Variants in GAD2 observed in about 807,000 individuals in gnomAD.
GAD2 encodes 65 kDa glutamic acid decarboxylase.
A neutral mutation model predicts 80.1 loss-of-function variants in GAD2; 22 were observed. The observed-to-expected ratio is 0.27, with a 90% confidence interval of 0.20 to 0.39. The LOEUF is 0.39. GAD2 is among the 10% of genes least tolerant of loss of function. The pLI, the probability that GAD2 is intolerant of heterozygous loss-of-function variation, is 1.00. For missense variants in GAD2, 624 were observed against 738.4 expected, an observed-to-expected ratio of 0.85 and a Z score of 1.80; for synonymous variants, 274 against 256.9, an observed-to-expected ratio of 1.07 and a Z score of -0.64.
At chr10:26,280,392 T>A (rs1845258464) in intron 11 of GAD2, among the ~76,000 whole-genome samples, 1 of 152,090 alleles carries the variant, frequency 6.6e-6, no homozygotes, top group African/African-American at 2.4e-5. Context: ...ATGTAAGAAA[T>A]TGGTCAACAT....
chr10:26,222,931 A>G (rs1263512759), intron 4 of GAD2, among the ~76,000 whole-genome samples: 1 of 152,254 alleles, frequency 6.6e-6, no homozygotes, highest in Non-Finnish European at 1.5e-5. Flanking sequence ...ACAATGGCCC[A>G]TCTTCTAAAA....
intron 8 of GAD2, among the ~76,000 whole-genome samples, chr10:26,251,546 C>T (rs1844880843): frequency 6.6e-6 from 1 of 152,120 alleles, no homozygotes; most frequent in Non-Finnish European, 1.5e-5. Context: ...AATATCAGTC[C>T]CCTGCTATAC....
chr10:26,274,769 G>A (rs554290137), intron 11 of GAD2, among the ~76,000 whole-genome samples: 1 of 152,330 alleles, frequency 6.6e-6, no homozygotes, highest in South Asian at 2.1e-4. Context: ...TGGAAAGAGA[G>A]GGGTATGGTT....
At chr10:26,275,577 C>A (rs774339043) in intron 11 of GAD2, among the ~76,000 whole-genome samples, 1 of 152,146 alleles carries the variant, frequency 6.6e-6, no homozygotes, top group Non-Finnish European at 1.5e-5. Context: ...GAGCAGAATC[C>A]CCTTTAGCCA....
chr10:26,248,421 A>G (rs986694099), intron 8 of GAD2, among the ~76,000 whole-genome samples: 3 of 152,162 alleles, frequency 2.0e-5, no homozygotes, highest in Non-Finnish European at 2.9e-5. Flanking sequence ...CAGAGTTCAG[A>G]CCTCAGTTTC....
chr10:26,229,683 A>G lies in GAD2; in HGVS notation c.746A>G (p.Tyr249Cys). ...FSPGGAISNM[Y>C]AMMIARFKMF... is the part of the protein sequence containing the mutation. ...TTAGGTGGCGCCATATCTAACATGT[A>G]TGCCATGATGATCGCACGCTTTAAG... Residue 249 changes from tyrosine to cysteine, a missense_variant, in exon 7 of 16, where the codon TAT (tyrosine) becomes TGT (cysteine). Tyr to Cys is a radical substitution (Grantham distance 194). Coordinates refer to ENST00000376261, the MANE Select transcript of GAD2 (RefSeq NM_001134366.2). The G allele has an allele frequency of 6.2e-7, 1 of 1,614,024 alleles. No homozygotes were observed.
chr10:26,218,963 A>T, intron 3 of GAD2, 80 bp from the exon 4 acceptor site: 2 of 1,032,888 alleles, frequency 1.9e-6, no homozygotes, highest in African/African-American at 1.7e-5. Context: ...ATTCAAAGAA[A>T]TGTTATTGCC....
intron 10 of GAD2, among the ~76,000 whole-genome samples, chr10:26,271,447 T>G (rs1358756848): frequency 6.6e-6 from 1 of 152,102 alleles, no homozygotes; most frequent in Non-Finnish European, 1.5e-5. Flanking sequence ...CAAAGTGTGG[T>G]TTGACGATTA....
intron 10 of GAD2, among the ~76,000 whole-genome samples, chr10:26,271,015 A>G (rs926281701): frequency 2.6e-5 from 4 of 152,194 alleles, no homozygotes; most frequent in African/African-American, 9.6e-5. Flanking sequence ...TCAGTACCCA[A>G]GCTGACCACT....
intron 13 of GAD2, among the ~76,000 whole-genome samples, chr10:26,288,940 C>T (rs534105770): frequency 5.3e-5 from 8 of 152,234 alleles, no homozygotes; most frequent in African/African-American, 1.9e-4. Context: ...CCCATGAAGG[C>T]ACCAGGGAAG....
At chr10:26,280,426 T>G (rs1298638284) in intron 11 of GAD2, among the ~76,000 whole-genome samples, 2 of 152,102 alleles carry the variant, frequency 1.3e-5, no homozygotes, top group African/African-American at 2.4e-5. Flanking sequence ...ACTGGTTTGG[T>G]CTGGAAAGGA....
intron 4 of GAD2, among the ~76,000 whole-genome samples, chr10:26,223,157 G>C (rs1325245528): frequency 6.6e-6 from 1 of 152,186 alleles, no homozygotes; most frequent in Non-Finnish European, 1.5e-5. Context: ...ATATCTTTCT[G>C]TATCTTGTTG....
Position 26,245,951 on chromosome 10 carries a change from G to A in GAD2, c.871G>A (p.Ala291Thr), listed in dbSNP as rs776279642. Residue 291 changes from alanine to threonine, a missense_variant, in exon 8 of 16, where the codon GCC becomes ACC. By Grantham distance (58) the Ala-to-Thr change is moderately conservative. Transcript: ENST00000376261. ...TTTTTCTCTCAAGAAGGGAGCTGCA[G>A]CCTTAGGGATTGGAACAGACAGCGT... ...SHFSLKKGAA[A>T]LGIGTDSVIL... The A allele has an allele frequency of 6.2e-7, 1 of 1,614,118 alleles. No homozygotes were observed. Among genetic ancestry groups the A allele is most frequent in the East Asian group, 2.2e-5 (1 of 44,894 alleles).
intron 13 of GAD2, among the ~76,000 whole-genome samples, chr10:26,288,876 T>C (rs1010097307): frequency 6.6e-6 from 1 of 152,116 alleles, no homozygotes; most frequent in Non-Finnish European, 1.5e-5. Flanking sequence ...ATGGAGGGCA[T>C]CAGGTGTGAA....
intron 8 of GAD2, among the ~76,000 whole-genome samples, chr10:26,256,792 T>C (rs1326597698): frequency 6.6e-6 from 1 of 152,236 alleles, no homozygotes; most frequent in Non-Finnish European, 1.5e-5. Context: ...CACTCCGCTA[T>C]GAAATGACTA....
At chr10:26,223,816 G>T (rs1026589520) in intron 4 of GAD2, 71 bp from the exon 5 acceptor site, 25 of 983,468 alleles carry the variant, frequency 2.5e-5, no homozygotes, top group Non-Finnish European at 4.0e-5. Flanking sequence ...TTTAGCTAGA[G>T]AAATCATGTG....
chr10:26,225,670 C>T (rs147440411), intron 6 of GAD2, among the ~76,000 whole-genome samples: 1 of 152,240 alleles, frequency 6.6e-6, no homozygotes, highest in East Asian at 1.9e-4. Flanking sequence ...AAATGATAAG[C>T]AAGAGTGACC....
chr10:26,272,292 T>A (rs7095327), intron 10 of GAD2, among the ~76,000 whole-genome samples: 1 of 151,994 alleles, frequency 6.6e-6, no homozygotes, highest in African/African-American at 2.4e-5. Context: ...GGACTGGAAA[T>A]CCTGGTAGAC....
intron 15 of GAD2, among the ~76,000 whole-genome samples, chr10:26,296,073 G>A (rs1228085249): frequency 2.0e-5 from 3 of 152,138 alleles, no homozygotes; most frequent in South Asian, 2.1e-4. Context: ...CAAGATCAAG[G>A]TGCCAGTAGA....
Sources: gnomAD v4.1 joint callset for allele counts (sites outside exome capture counted in the v4.1 genomes callset) on GRCh38, gnomAD v4.1.1 for gene constraint, MANE v1.5 for transcripts, NCBI Gene and HGNC (gene_info 2026-07-23, HGNC 2026-07-21) for gene names.